KCTD16: variants seen among roughly 807,000 people sequenced by gnomAD.
KCTD16 encodes potassium channel tetramerization domain containing 16, also known as BTB/POZ domain-containing protein KCTD16.
Under a neutral mutation model 33.2 loss-of-function variants are expected in KCTD16, and 13 were observed. The observed-to-expected ratio is 0.39, with a 90% CI of 0.25 to 0.62. The LOEUF (loss-of-function observed/expected upper bound fraction) is 0.62. Ranked by LOEUF, KCTD16 falls within the 20% of genes least tolerant of loss-of-function variation. KCTD16 has a pLI of 0.50. For missense variants in KCTD16, 441 were observed against 525.1 expected, an observed-to-expected ratio of 0.84 and a Z score of 1.57; for synonymous variants, 197 against 195.3, an observed-to-expected ratio of 1.01 and a Z score of -0.07.
intron 3 of KCTD16, among the ~76,000 whole-genome samples, chr5:144,316,477 T>A (rs935314889): frequency 6.6e-6 from 1 of 152,042 alleles, no homozygotes; most frequent in Non-Finnish European, 1.5e-5. Flanking sequence ...CTGCGTAATT[T>A]TTCCCCCATC....
chr5:144,350,141 G>A (rs755549741), intron 3 of KCTD16, among the ~76,000 whole-genome samples: 2 of 152,128 alleles, frequency 1.3e-5, no homozygotes, highest in Non-Finnish European at 2.9e-5. Flanking sequence ...TATGACCCCT[G>A]TAGGTATTTT....
chr5:144,183,647 T>C (rs1752669383), intron 2 of KCTD16, among the ~76,000 whole-genome samples: 1 of 152,178 alleles, frequency 6.6e-6, no homozygotes, highest in South Asian at 2.1e-4. Flanking sequence ...GTGTCACACA[T>C]CCAGCTAGAA....
intron 3 of KCTD16, among the ~76,000 whole-genome samples, chr5:144,300,737 G>A (rs912946767): frequency 6.6e-6 from 1 of 152,092 alleles, no homozygotes; most frequent in African/African-American, 2.4e-5. Context: ...GGGCAAAACA[G>A]GAGAGTCCAC....
intron 3 of KCTD16, among the ~76,000 whole-genome samples, chr5:144,318,175 T>G (rs1751975291): frequency 6.6e-6 from 1 of 152,188 alleles, no homozygotes; most frequent in Non-Finnish European, 1.5e-5. Flanking sequence ...TCTCTTTTTG[T>G]TATTGAAAGA....
At chr5:144,192,331 A>T (rs1408708833) in intron 2 of KCTD16, among the ~76,000 whole-genome samples, 1 of 152,186 alleles carries the variant, frequency 6.6e-6, no homozygotes, top group Non-Finnish European at 1.5e-5. Context: ...AGAAATGCTT[A>T]CTTAAGGCAG....
intron 3 of KCTD16, among the ~76,000 whole-genome samples, chr5:144,448,576 C>CT (rs1221146476): frequency 6.6e-6 from 1 of 152,042 alleles, no homozygotes; most frequent in Non-Finnish European, 1.5e-5. Flanking sequence ...ATATGCTTGG[C>CT]TTGGTTCTGG....
At chr5:144,416,567 A>T (rs1753059541) in intron 3 of KCTD16, among the ~76,000 whole-genome samples, 1 of 152,218 alleles carries the variant, frequency 6.6e-6, no homozygotes, top group African/African-American at 2.4e-5. Context: ...TGAGAAATTA[A>T]ATTGGCTTTG....
In KCTD16 at chr5:144,187,375, A is replaced by C. The variant is rs1003684117; in HGVS notation, c.-327+12903A>C. Among the ~76,000 whole-genome samples, 5 of 152,268 alleles carry C rather than the reference A, an allele frequency of 3.3e-5. No individual in the cohort carries two copies. The South Asian group carries it at 1.0e-3, about 32-fold the overall frequency. ...TCTATTTCTAACAGGGAGGGATTAA[A>C]AAATAACAGAGTCAATAAATTTTAG... is the stretch of plus-strand genomic sequence containing the variant. On this transcript the variant is annotated intron_variant, in intron 2 of 3. Transcript: ENST00000512467.
At chr5:144,436,660 T>C (rs772473608) in intron 3 of KCTD16, among the ~76,000 whole-genome samples, 2 of 151,574 alleles carry the variant, frequency 1.3e-5, no homozygotes, top group Non-Finnish European at 2.9e-5. Flanking sequence ...CTATCTCGGC[T>C]CACTGCAACC....
intron 3 of KCTD16, among the ~76,000 whole-genome samples, chr5:144,340,917 G>T (rs1752621461): frequency 6.6e-6 from 1 of 152,092 alleles, no homozygotes; most frequent in African/African-American, 2.4e-5. Flanking sequence ...AGGCACGGTG[G>T]TGGGCGCCTG....
At chr5:144,205,496 G>T in intron 2 of KCTD16, 1 of 398,616 alleles carries the variant, frequency 2.5e-6, no homozygotes, top group Non-Finnish European at 4.4e-6. Flanking sequence ...CCTCTGGCTC[G>T]CACCGGCTCC....
In KCTD16 at chr5:144,479,498, A is replaced by T. The variant is rs541588732; in HGVS notation, c.*5384A>T. On this transcript the variant is annotated 3_prime_UTR_variant, in exon 4 of 4. Transcript: ENST00000512467. ...ACCAAATTCCCACGTTATAAGAAAG[A>T]TGAAAATAGAGATCATGCTTGTCAT... 3 of 151,932 alleles carry T rather than the reference A, an allele frequency of 2.0e-5. No individual in the cohort carries two copies. Among genetic ancestry groups the T allele is most frequent in the African/African-American group, 4.8e-5 (2 of 41,418 alleles). The allele number at this position is 151,932 out of a possible 1,614,324, so 9.4% of individuals were successfully genotyped here.
chr5:144,183,111 A>G (rs1482470012), intron 2 of KCTD16, among the ~76,000 whole-genome samples: 2 of 152,152 alleles, frequency 1.3e-5, no homozygotes, highest in African/African-American at 4.8e-5. Flanking sequence ...AAGAATTCTA[A>G]ATATATATTA....
chr5:144,362,257 G>A (rs955488243), intron 3 of KCTD16, among the ~76,000 whole-genome samples: 13 of 152,176 alleles, frequency 8.5e-5, no homozygotes, highest in East Asian at 3.9e-4. Context: ...TGCCATGGGT[G>A]TATGGAGCTG....
intron 3 of KCTD16, among the ~76,000 whole-genome samples, chr5:144,423,567 G>T (rs1753256674): frequency 6.6e-6 from 1 of 152,072 alleles, no homozygotes; most frequent in Non-Finnish European, 1.5e-5. Context: ...AGAAGAGAGA[G>T]ACCAGGGATA....
chr5:144,175,277 T>TA (rs1166448044), intron 2 of KCTD16, among the ~76,000 whole-genome samples: 1 of 152,186 alleles, frequency 6.6e-6, no homozygotes, highest in Non-Finnish European at 1.5e-5. Context: ...TAAACATTAT[T>TA]ATGGTAGAAA....
At chr5:144,276,261 T>G (rs544432492) in intron 3 of KCTD16, among the ~76,000 whole-genome samples, 4 of 152,330 alleles carry the variant, frequency 2.6e-5, no homozygotes, top group Admixed American at 2.0e-4. Flanking sequence ...TTCTGTTATA[T>G]AATTTTGTCT....
chr5:144,484,105 T>C lies in KCTD16; in HGVS notation c.*9991T>C, dbSNP rs1754757188. The C allele has an allele frequency of 6.6e-6, 1 of 151,936 alleles. No individual in the cohort carries two copies. Among genetic ancestry groups the C allele is most frequent in the African/African-American group, 2.4e-5 (1 of 41,390 alleles). The allele number at this position is 151,936 out of a possible 1,614,324, so 9.4% of individuals were successfully genotyped here. A position where few individuals can be genotyped will look rare whatever the true frequency, so the allele number is the denominator to read the frequency against. Reference sequence around the variant, plus strand: ...GAGAAAGTTGAATCAGGAAAATTTGTCTTAAAATATACTGCTTAGTTTAGA... The same window carrying C: ...GAGAAAGTTGAATCAGGAAAATTTGCCTTAAAATATACTGCTTAGTTTAGA... On this transcript the variant is annotated 3_prime_UTR_variant, in exon 4 of 4. Transcript: ENST00000512467.
At chr5:144,341,406 T>C (rs1245824775) in intron 3 of KCTD16, among the ~76,000 whole-genome samples, 1 of 152,120 alleles carries the variant, frequency 6.6e-6, no homozygotes, top group Non-Finnish European at 1.5e-5. Context: ...GCAATGGATC[T>C]AAAAAGGTGT....
Sources: allele counts gnomAD v4.1 joint callset (sites outside exome capture counted in the v4.1 genomes callset), GRCh38; gene constraint gnomAD v4.1.1; transcripts MANE v1.5; gene names NCBI Gene and HGNC (gene_info 2026-07-23, HGNC 2026-07-21).